The following RAB26 variants were observed in gnomAD, a reference collection of about 807,000 sequenced individuals.
The protein encoded by RAB26 is ras-related protein Rab-26.
In RAB26, 39 loss-of-function variants were observed where a neutral mutation model predicts 33.1. That is an observed-to-expected ratio of 1.18 (90% CI 0.91 to 1.54). RAB26 has a LOEUF of 1.54. Ranked by LOEUF, RAB26 falls within the 40% of genes most tolerant of loss-of-function variation. The probability of loss-of-function intolerance (pLI) is 0.00; values close to 1 mark genes in which losing one functional copy is unlikely to be tolerated. For missense variants in RAB26, 468 were observed against 362.9 expected (o/e 1.29, Z -2.35); for synonymous variants, 192 against 151.9 (o/e 1.26, Z -1.94).
Position 2,153,379 on chromosome 16 carries a change from C to A in RAB26, c.729C>A (p.Tyr243Ter). The change falls in exon 9 of 9, where the codon TAC becomes TAA. Residue 243 changes from tyrosine (Y) to a stop codon, truncating the protein, a stop_gained. Transcript: ENST00000210187. LOFTEE classifies it high-confidence loss of function. ...PSEPRFRLHD[Y>*]VKREGRGASC... ...AGCCGCGCTTCCGGCTGCATGATTACGTTAAGAGGGAGGGTCGAGGGGCCT... is the reference window on the plus strand; with the variant it reads ...AGCCGCGCTTCCGGCTGCATGATTAAGTTAAGAGGGAGGGTCGAGGGGCCT... 1 of 1,613,508 alleles carries A rather than the reference C, an allele frequency of 6.2e-7. No individual in the cohort carries two copies. Among genetic ancestry groups the A allele is most frequent in the Non-Finnish European group, 8.5e-7 (1 of 1,180,006 alleles).
intron 5 of RAB26, among the ~76,000 whole-genome samples, chr16:2,152,365 A>C (rs1211411206): frequency 2.0e-5 from 3 of 151,852 alleles, no homozygotes. Context: ...ACAACAGAGC[A>C]AAACTGTCTC....
chr16:2,151,432 T>G, intron 2 of RAB26, 137 bp from the exon 3 acceptor site: 1 of 1,199,274 alleles, frequency 8.3e-7, no homozygotes. Flanking sequence ...GAGGTCAAAT[T>G]GGCTTAAGGG....
chr16:2,151,386 G>A, intron 2 of RAB26, 183 bp from the exon 3 acceptor site: 1 of 725,978 alleles, frequency 1.4e-6, no homozygotes. Flanking sequence ...ATAGTGCAGA[G>A]GCTGCCGGGA....
At position 2,152,840 on chromosome 16, in the gene RAB26, C is replaced by G; in HGVS notation, c.489C>G (p.His163Gln). 6.2e-7 allele frequency: 1 copy of G among 1,607,710 alleles called. No individual in the cohort carries two copies. The highest frequency in any genetic ancestry group is 8.5e-7 in the Non-Finnish European group (1 of 1,178,000). Residue 163 changes from histidine to glutamine, a missense_variant, in exon 6 of 9, where the codon CAC becomes CAG. Coordinates refer to ENST00000210187, the MANE Select transcript of RAB26 (RefSeq NM_014353.5). ...CACAGGCCTGGCTGACCGAGATCCA[C>G]GAGTACGCCCAGCACGACGTGGCGC... is the stretch of plus-strand genomic sequence containing the variant. Reference protein sequence around the residue: ...DNIQAWLTEIHEYAQHDVALM... With the variant: ...DNIQAWLTEIQEYAQHDVALM...
At position 2,148,823 on chromosome 16, in the gene RAB26, A is replaced by C. The variant is rs1206754841; in HGVS notation, c.40A>C (p.Thr14Pro). Reference protein sequence around the residue: ...KKTPKSKGASTPAASTLPTAN... With the variant: ...KKTPKSKGASPPAASTLPTAN... ...GACCCCCAAGAGCAAAGGGGCCAGC[A>C]CCCCCGCTGCCTCCACGCTGCCCAC... The change falls in exon 1 of 9, where the codon ACC becomes CCC. Residue 14 changes from threonine to proline, a missense_variant. Physicochemically the swap from Thr to Pro is conservative, Grantham distance 38. Transcript: ENST00000210187. 1.5e-5 allele frequency: 21 copies of C among 1,409,562 alleles called. No homozygotes were observed. The highest frequency in any genetic ancestry group is 1.8e-5 in the Non-Finnish European group (19 of 1,083,372). 87.3% of individuals were successfully genotyped at this position (1,409,562 alleles called of 1,614,324 possible).
At chr16:2,151,671 C>T (rs762099780) in intron 3 of RAB26, 24 bp from the exon 4 acceptor site, 19 of 1,613,892 alleles carry the variant, frequency 1.2e-5, no homozygotes, top group East Asian at 2.2e-5. Context: ...GGCTGGACAG[C>T]CTGACCAGTG....
intron 8 of RAB26, 29 bp downstream of exon 8, chr16:2,153,251 C>G (rs1341713114): frequency 1.2e-6 from 2 of 1,613,438 alleles, no homozygotes. Flanking sequence ...CAGGACTCCC[C>G]CAGCCCAGGG....
Position 2,148,824 on chromosome 16 carries a change from C to A in RAB26, c.41C>A (p.Thr14Asn), listed in dbSNP as rs1487511260. 3.5e-6 allele frequency: 5 copies of A among 1,415,116 alleles called. No individual in the cohort carries two copies. The African/African-American group carries it at 6.0e-5, about 17-fold the overall frequency. 87.7% of individuals were successfully genotyped at this position (1,415,116 alleles called of 1,614,324 possible). ...ACCCCCAAGAGCAAAGGGGCCAGCA[C>A]CCCCGCTGCCTCCACGCTGCCCACC... The part of the protein sequence containing the change: ...KKTPKSKGAS[T>N]PAASTLPTAN... The change falls in exon 1 of 9, where the codon ACC becomes AAC. Residue 14 changes from threonine (T) to asparagine (N), a missense_variant. Coordinates refer to ENST00000210187, the MANE Select transcript of RAB26 (RefSeq NM_014353.5).
rs903770939 is a variant in RAB26 at position 2,153,564 on chromosome 16, C to T, written c.*143C>T. ...AGGAGCCCCAGGTCAAGCCTTGTCC[C>T]TTCCTCCTCCCAGCAACAGTCCCAA... On this transcript the variant is annotated 3_prime_UTR_variant, in exon 9 of 9. Transcript: ENST00000210187. 11 of 741,692 alleles carry T rather than the reference C, an allele frequency of 1.5e-5. No individual in the cohort carries two copies. Among genetic ancestry groups the T allele is most frequent in the Non-Finnish European group, 2.0e-5 (9 of 446,052 alleles). 45.9% of individuals were successfully genotyped at this position (741,692 alleles called of 1,614,324 possible).
At position 2,148,746 on chromosome 16, in the gene RAB26, G is replaced by A; in HGVS notation, c.-38G>A. ...CGGGGTGCGGGACGGCCCAGGGCAC[G>A]GCGGCTGCAGCGGGAGCACACTGAG... On this transcript the variant is annotated 5_prime_UTR_variant, in exon 1 of 9. Transcript: ENST00000210187. 1 of 1,268,506 alleles carries A rather than the reference G, an allele frequency of 7.9e-7. No individual in the cohort carries two copies. The highest frequency in any genetic ancestry group is 9.9e-7 in the Non-Finnish European group (1 of 1,011,002). 78.6% of individuals were successfully genotyped at this position (1,268,506 alleles called of 1,614,324 possible).
chr16:2,149,366 G>C (rs1263662639), intron 1 of RAB26, among the ~76,000 whole-genome samples: 2 of 150,326 alleles, frequency 1.3e-5, no homozygotes, highest in Admixed American at 6.6e-5. Flanking sequence ...GGGAACCCTG[G>C]GACTCCAGAC....
intron 5 of RAB26, among the ~76,000 whole-genome samples, chr16:2,152,231 G>A (rs1201818471): frequency 1.3e-5 from 2 of 152,198 alleles, no homozygotes; most frequent in African/African-American, 2.4e-5. Context: ...CCAACATGAG[G>A]AAACCCCATC....
At chr16:2,152,007 TGA>T (rs1029201931) in intron 5 of RAB26, 99 bp downstream of exon 5, 66 of 1,480,072 alleles carry the variant, frequency 4.5e-5, no homozygotes, top group Admixed American at 2.4e-4. Flanking sequence ...AGGACCCCGC[TGA>T]GAGAGGGGAG....
At position 2,153,326 on chromosome 16, in the gene RAB26, A is replaced by G; in HGVS notation, c.676A>G (p.Lys226Glu). The part of the protein sequence containing the change: ...LAFTAIAKEL[K>E]QRSMKAPSEP... ...GTCACCCCCACTCCGCAGGGAGTTG[A>G]AGCAGCGCTCCATGAAGGCTCCCAG... The change falls in exon 9 of 9, where the codon AAG becomes GAG. Residue 226 changes from lysine (K) to glutamate (E), a missense_variant. By Grantham distance (56) the Lys-to-Glu change is moderately conservative (BLOSUM62 1). Coordinates refer to ENST00000210187, the MANE Select transcript of RAB26 (RefSeq NM_014353.5). The G allele has an allele frequency of 6.2e-7, 1 of 1,613,518 alleles. No homozygotes were observed. Among genetic ancestry groups the G allele is most frequent in the Non-Finnish European group, 8.5e-7 (1 of 1,179,990 alleles).
chr16:2,150,653 TGGGATGGAGTGACGA>T, intron 2 of RAB26, among the ~76,000 whole-genome samples: 3 of 53,982 alleles, frequency 5.6e-5, no homozygotes, highest in Non-Finnish European at 1.8e-4. Context: ...TCAAGTCCTC[TGGGATGGAGTGACGA>T]CTGAAGTGCC....
chr16:2,151,413 G>A, intron 2 of RAB26, 156 bp from the exon 3 acceptor site: 1 of 923,976 alleles, frequency 1.1e-6, no homozygotes, highest in Non-Finnish European at 1.7e-6. Context: ...TGCACTTGCA[G>A]GTGTGGGTGA....
intron 5 of RAB26, 108 bp from the exon 6 acceptor site, chr16:2,152,712 A>AG: frequency 1.2e-6 from 1 of 821,910 alleles, no homozygotes; most frequent in Non-Finnish European, 1.8e-6. Context: ...AAAAAAAAAA[A>AG]AAAAGATAAA....
Position 2,153,170 on chromosome 16 carries a change from A to C in RAB26, c.616A>C (p.Thr206Pro). The C allele has an allele frequency of 6.2e-7, 1 of 1,613,714 alleles. No homozygotes were observed. Among genetic ancestry groups the C allele is most frequent in the Non-Finnish European group, 8.5e-7 (1 of 1,179,990 alleles). The change falls in exon 8 of 9, where the codon ACC (threonine) becomes CCC (proline). Residue 206 changes from threonine (T) to proline (P), a missense_variant. Coordinates refer to ENST00000210187, the MANE Select transcript of RAB26 (RefSeq NM_014353.5). ...AKEYGLPFME[T>P]SAKTGLNVDL... Reference sequence around the variant, plus strand: ...GGAGTATGGACTGCCCTTCATGGAGACCAGCGCCAAGACGGGCCTCAACGT... The same window carrying C: ...GGAGTATGGACTGCCCTTCATGGAGCCCAGCGCCAAGACGGGCCTCAACGT...
rs773374034 is a variant in RAB26 at position 2,151,677 on chromosome 16, C to G, written c.349-18C>G. The stretch of plus-strand genomic sequence containing the variant: ...CCAGGGAAGGGCTGGACAGCCTGAC[C>G]AGTGCCTGTCGCTGCAGATGTGGGA... On this transcript the variant is annotated intron_variant, in intron 3 of 8. Coordinates refer to ENST00000210187, the MANE Select transcript of RAB26 (RefSeq NM_014353.5). The G allele has an allele frequency of 1.9e-6, 3 of 1,613,992 alleles. No individual in the cohort carries two copies. Among genetic ancestry groups the G allele is most frequent in the Admixed American group, 3.3e-5 (2 of 60,026 alleles).
Sources: gnomAD v4.1 joint callset for allele counts (sites outside exome capture counted in the v4.1 genomes callset) on GRCh38, gnomAD v4.1.1 for gene constraint, MANE v1.5 for transcripts, NCBI Gene and HGNC (gene_info 2026-07-23, HGNC 2026-07-21) for gene names.